ZFHX3: variants seen among roughly 807,000 people sequenced by gnomAD.
ZFHX3 encodes the protein zinc finger homeobox 3.
In ZFHX3, 42 loss-of-function variants were observed where a neutral mutation model predicts 279.1. That is an observed-to-expected ratio of 0.15 (90% CI 0.12 to 0.19). ZFHX3 has a LOEUF of 0.19. ZFHX3 is among the 10% of genes least tolerant of loss of function. The pLI is 1.00. For missense variants in ZFHX3, 4,981 were observed against 4,754.0 expected (o/e 1.05, Z -1.40); for synonymous variants, 2,293 against 1,957.8 (o/e 1.17, Z -4.52).
intron 2 of ZFHX3, among the ~76,000 whole-genome samples, chr16:73,490,785 C>T (rs965446436): frequency 6.6e-6 from 1 of 152,128 alleles, no homozygotes; most frequent in Non-Finnish European, 1.5e-5. Flanking sequence ...TACAGTGAGC[C>T]CTGATAGTGC....
At chr16:73,151,657 C>T (rs528876321) in intron 5 of ZFHX3, among the ~76,000 whole-genome samples, 1 of 152,202 alleles carries the variant, frequency 6.6e-6, no homozygotes, top group East Asian at 1.9e-4. Flanking sequence ...GAAATAAAAA[C>T]ACATTTAGGT....
chr16:73,427,518 C>T (rs2017830275), intron 3 of ZFHX3, among the ~76,000 whole-genome samples: 1 of 152,148 alleles, frequency 6.6e-6, no homozygotes, highest in South Asian at 2.1e-4. Context: ...AGGCCATGCT[C>T]ATTTCCAAGC....
At chr16:73,478,269 A>AAAAAAAAAAAAAAAAAGTCAG (rs1255894770) in intron 2 of ZFHX3, among the ~76,000 whole-genome samples, 122 of 149,640 alleles carry the variant, frequency 8.2e-4, no homozygotes, top group South Asian at 7.1e-3. Flanking sequence ...CATCTCAAAA[A>AAAAAAAAAAAAAAAAAGTCAG]AAAAAAAAAA....
In ZFHX3 at chr16:73,666,029, T is replaced by G. The variant is rs1421233460; in HGVS notation, c.-1547+14151A>C. ...GACAGGATTTCACCGTGTTAGCCAG[T>G]ATGGTCTCGATCTCCTGACCTTGCG... On this transcript the variant is annotated intron_variant, in intron 2 of 17. Transcript: ENST00000641206. Among the ~76,000 whole-genome samples the G allele has an allele frequency of 4.0e-5, 6 of 151,486 alleles. 1 individual carries two copies. Among genetic ancestry groups the G allele is most frequent in the African/African-American group, 7.3e-5 (3 of 41,008 alleles).
chr16:73,270,279 T>C (rs1311993762), intron 4 of ZFHX3, among the ~76,000 whole-genome samples: 3 of 152,218 alleles, frequency 2.0e-5, no homozygotes, highest in Non-Finnish European at 4.4e-5. Flanking sequence ...TCTGCTCAAA[T>C]TCATGTTGAA....
At chr16:73,875,754 T>C (rs1488152791) in intron 1 of ZFHX3, among the ~76,000 whole-genome samples, 2 of 152,208 alleles carry the variant, frequency 1.3e-5, no homozygotes, top group African/African-American at 4.8e-5. Context: ...GGATTGCTTA[T>C]TTTACACACA....
chr16:73,620,565 T>C (rs899589147), intron 2 of ZFHX3, among the ~76,000 whole-genome samples: 61 of 152,334 alleles, frequency 4.0e-4, no homozygotes, highest in African/African-American at 1.4e-3. Flanking sequence ...TATTACATAC[T>C]TTCAGAATTG....
At chr16:73,550,509 C>G (rs2020187921) in intron 2 of ZFHX3, among the ~76,000 whole-genome samples, 1 of 152,130 alleles carries the variant, frequency 6.6e-6, no homozygotes, top group Non-Finnish European at 1.5e-5. Flanking sequence ...CAGGATAAAA[C>G]AGAACTAAAA....
At chr16:72,839,330 T>A (rs139801481) in intron 4 of ZFHX3, among the ~76,000 whole-genome samples, 25 of 152,268 alleles carry the variant, frequency 1.6e-4, no homozygotes, top group African/African-American at 6.0e-4. Flanking sequence ...AAAACTACCT[T>A]CAATTGTACT....
chr16:73,622,196 C>T (rs1384556262), intron 2 of ZFHX3, among the ~76,000 whole-genome samples: 1 of 152,242 alleles, frequency 6.6e-6, no homozygotes, highest in Middle Eastern at 3.4e-3. Flanking sequence ...AAATAGCATC[C>T]TTGTTTAGCC....
intron 3 of ZFHX3, among the ~76,000 whole-genome samples, chr16:73,445,282 G>A (rs9938328): frequency 0.69 from 104,620 of 150,960 alleles, 36,548 homozygotes; most frequent in South Asian, 0.78. Context: ...ATATATGTGT[G>A]TATATATATA....
intron 1 of ZFHX3, among the ~76,000 whole-genome samples, chr16:73,841,906 A>G (rs1961318193): frequency 6.6e-6 from 1 of 152,068 alleles, no homozygotes; most frequent in Non-Finnish European, 1.5e-5. Flanking sequence ...ATGACTTTTC[A>G]TACTTTATAT....
chr16:73,440,595 A>C (rs983341954), intron 3 of ZFHX3, among the ~76,000 whole-genome samples: 1 of 152,216 alleles, frequency 6.6e-6, no homozygotes, highest in Non-Finnish European at 1.5e-5. Context: ...AATAGCTACT[A>C]TTGATTCACA....
At chr16:73,358,782 G>A (rs1438311208) in intron 3 of ZFHX3, among the ~76,000 whole-genome samples, 2 of 152,212 alleles carry the variant, frequency 1.3e-5, no homozygotes, top group Non-Finnish European at 2.9e-5. Flanking sequence ...CAAGAGCAGG[G>A]CCTCTGAAGT....
chr16:73,231,967 T>G (rs898125602), intron 5 of ZFHX3: 10 of 152,204 alleles, frequency 6.6e-5, no homozygotes, highest in African/African-American at 2.4e-4. Context: ...CCTGTATTTA[T>G]GCAAATTGCA....
At chr16:73,835,656 A>G (rs1961125937) in intron 1 of ZFHX3, among the ~76,000 whole-genome samples, 1 of 151,460 alleles carries the variant, frequency 6.6e-6, no homozygotes, top group African/African-American at 2.4e-5. Context: ...TTTTTAGTAG[A>G]GATGGGGTTT....
chr16:72,801,681 C>A (rs2036105743), intron 7 of ZFHX3, among the ~76,000 whole-genome samples: 2 of 152,178 alleles, frequency 1.3e-5, no homozygotes. Flanking sequence ...CCCCCACAGA[C>A]ATCTGCACCT....
Position 73,457,009 on chromosome 16 carries a change from T to G in ZFHX3, c.-1546-751A>C, listed in dbSNP as rs566559837. ...GAAAGGGACAGATTGGAGATAACAT[T>G]CAGGTGGAAGGAAATCTACTGATTA... On this transcript the variant is annotated intron_variant, in intron 2 of 17. Coordinates refer to the ZFHX3 transcript ENST00000641206. 5.9e-4 allele frequency among the ~76,000 whole-genome samples: 90 copies of G among 152,284 alleles called. 1 individual carries two copies. In the South Asian group the frequency reaches 0.018, roughly 30 times the overall value.
At chr16:72,985,830 G>A (rs866230617) in intron 1 of ZFHX3, among the ~76,000 whole-genome samples, 1 of 152,030 alleles carries the variant, frequency 6.6e-6, no homozygotes, top group Non-Finnish European at 1.5e-5. Context: ...GCAGAGCAGG[G>A]GTTAATGGAA....
Sources: gnomAD v4.1 joint callset for allele counts (sites outside exome capture counted in the v4.1 genomes callset) on GRCh38, gnomAD v4.1.1 for gene constraint, MANE v1.5 for transcripts, NCBI Gene and HGNC (gene_info 2026-07-23, HGNC 2026-07-21) for gene names.